TMEM117: variants seen among roughly 807,000 people sequenced by gnomAD.
The protein encoded by TMEM117 is transmembrane protein 117.
TMEM117 carries 27 observed loss-of-function variants against 52.4 expected under a neutral mutation model. The observed-to-expected ratio is 0.51, with a 90% CI of 0.38 to 0.71. The LOEUF (loss-of-function observed/expected upper bound fraction) is 0.71, where lower values mean the gene tolerates loss of function less well. Among genes scored for constraint, TMEM117 ranks in the 30% least tolerant of loss-of-function variants. The pLI, the probability that TMEM117 is intolerant of heterozygous loss-of-function variation, is 0.00. For missense variants in TMEM117, 556 were observed against 630.5 expected (o/e 0.88, Z 1.26); for synonymous variants, 215 against 206.3 (o/e 1.04, Z -0.36).
chr12:44,166,469 A>G (rs1343254923), intron 4 of TMEM117, among the ~76,000 whole-genome samples: 3 of 152,202 alleles, frequency 2.0e-5, no homozygotes, highest in Non-Finnish European at 4.4e-5. Context: ...TGGACCAAAT[A>G]TGCTAAAAAA....
At chr12:44,258,752 A>T (rs1345493046) in intron 5 of TMEM117, among the ~76,000 whole-genome samples, 1 of 152,164 alleles carries the variant, frequency 6.6e-6, no homozygotes, top group Non-Finnish European at 1.5e-5. Context: ...AACTTTACAG[A>T]ATTAGCAAAT....
intron 4 of TMEM117, among the ~76,000 whole-genome samples, chr12:44,179,695 A>G (rs1327845341): frequency 6.6e-6 from 1 of 152,234 alleles, no homozygotes; most frequent in Non-Finnish European, 1.5e-5. Context: ...GTACCCTCGC[A>G]GACACACCCA....
At chr12:44,337,786 A>G (rs1951361097) in intron 6 of TMEM117, among the ~76,000 whole-genome samples, 1 of 152,108 alleles carries the variant, frequency 6.6e-6, no homozygotes, top group African/African-American at 2.4e-5. Context: ...TCAGTAGTTC[A>G]AAGTATCTTG....
chr12:44,249,967 G>A (rs568814265), intron 5 of TMEM117, among the ~76,000 whole-genome samples: 1 of 152,262 alleles, frequency 6.6e-6, no homozygotes, highest in East Asian at 1.9e-4. Context: ...AAAAGCAATT[G>A]CAATAAAATC....
chr12:44,255,399 C>T (rs1950248505), intron 5 of TMEM117, among the ~76,000 whole-genome samples: 1 of 152,068 alleles, frequency 6.6e-6, no homozygotes, highest in Non-Finnish European at 1.5e-5. Context: ...CATCACTGGC[C>T]ATCAGAGAAA....
At chr12:44,127,810 A>C (rs183026719) in intron 3 of TMEM117, among the ~76,000 whole-genome samples, 1 of 152,342 alleles carries the variant, frequency 6.6e-6, no homozygotes, top group Non-Finnish European at 1.5e-5. Context: ...ATTTTTCAGT[A>C]TCAGCTTCTT....
At chr12:43,845,198 C>T (rs1272881195) in intron 2 of TMEM117, among the ~76,000 whole-genome samples, 2 of 151,846 alleles carry the variant, frequency 1.3e-5, no homozygotes, top group Admixed American at 6.6e-5. Context: ...TGGTGGCTCA[C>T]GCCAGTAATC....
intron 3 of TMEM117, among the ~76,000 whole-genome samples, chr12:44,138,542 G>A (rs952017001): frequency 6.6e-6 from 1 of 152,094 alleles, no homozygotes; most frequent in Non-Finnish European, 1.5e-5. Context: ...TCTGTCTCCC[G>A]TCTTCTTAGA....
chr12:43,992,950 A>C (rs1343864227), intron 3 of TMEM117, among the ~76,000 whole-genome samples: 1 of 152,214 alleles, frequency 6.6e-6, no homozygotes, highest in Non-Finnish European at 1.5e-5. Context: ...AAATCTTGGC[A>C]CAAGGAAGAT....
At chr12:44,152,278 T>G (rs1168715540) in intron 4 of TMEM117, among the ~76,000 whole-genome samples, 2 of 111,784 alleles carry the variant, frequency 1.8e-5, no homozygotes, top group Non-Finnish European at 3.2e-5. Flanking sequence ...ATATTTATAT[T>G]ATATATAATT....
At chr12:44,100,445 A>G (rs1457925195) in intron 3 of TMEM117, among the ~76,000 whole-genome samples, 1 of 152,034 alleles carries the variant, frequency 6.6e-6, no homozygotes, top group Non-Finnish European at 1.5e-5. Flanking sequence ...GATTTACTGC[A>G]CACGTTAATG....
chr12:43,990,168 A>G (rs187353111), intron 3 of TMEM117, among the ~76,000 whole-genome samples: 314 of 152,282 alleles, frequency 2.1e-3, no homozygotes, highest in Non-Finnish European at 3.7e-3. Context: ...TATTAGAGCA[A>G]TGGATCATCA....
chr12:44,188,154 C>T (rs1438554569), intron 4 of TMEM117, among the ~76,000 whole-genome samples: 1 of 152,124 alleles, frequency 6.6e-6, no homozygotes, highest in Non-Finnish European at 1.5e-5. Context: ...GAGCTACTTA[C>T]ATGTCCATAT....
chr12:44,048,435 T>C (rs1946914564), intron 3 of TMEM117, among the ~76,000 whole-genome samples: 1 of 152,198 alleles, frequency 6.6e-6, no homozygotes, highest in African/African-American at 2.4e-5. Context: ...TTGAGATGGA[T>C]TTAGCTCATT....
intron 5 of TMEM117, among the ~76,000 whole-genome samples, chr12:44,237,401 C>T (rs926959793): frequency 7.2e-5 from 11 of 151,976 alleles, no homozygotes; most frequent in Admixed American, 1.3e-4. Flanking sequence ...TATATACCCC[C>T]CATTAGTCTG....
intron 3 of TMEM117, among the ~76,000 whole-genome samples, chr12:43,964,795 A>C (rs1243885662): frequency 1.3e-5 from 2 of 152,228 alleles, no homozygotes; most frequent in African/African-American, 2.4e-5. Context: ...CACTACATTC[A>C]TTCTGATTGG....
intron 5 of TMEM117, among the ~76,000 whole-genome samples, chr12:44,226,614 T>G (rs1949864931): frequency 6.6e-6 from 1 of 152,034 alleles, no homozygotes; most frequent in African/African-American, 2.4e-5. Context: ...GTAACTGTAT[T>G]TGGAGGTTGG....
intron 3 of TMEM117, among the ~76,000 whole-genome samples, chr12:44,086,954 T>C (rs565839004): frequency 1.1e-4 from 16 of 147,548 alleles, no homozygotes; most frequent in Middle Eastern, 3.6e-3. Flanking sequence ...TTATATAATA[T>C]ATAATTAATA....
At chr12:43,822,858 T>G in the TMEM117 span, among the ~76,000 whole-genome samples, 1 of 151,000 alleles carries the variant, frequency 6.6e-6, no homozygotes, top group African/African-American at 2.4e-5. Flanking sequence ...GAAGAGATTA[T>G]GCCACTGCAC....
Sources: allele counts gnomAD v4.1 joint callset (sites outside exome capture counted in the v4.1 genomes callset), GRCh38; gene constraint gnomAD v4.1.1; transcripts MANE v1.5; gene names NCBI Gene and HGNC (gene_info 2026-07-23, HGNC 2026-07-21).